KIAA1958: variants seen among roughly 807,000 people sequenced by gnomAD.
The protein encoded by KIAA1958 is KIAA1958.
Under a neutral mutation model 47.2 loss-of-function variants are expected in KIAA1958, and 14 were observed. The observed-to-expected ratio is 0.30, with a 90% CI of 0.20 to 0.46. KIAA1958 has a LOEUF of 0.46. KIAA1958 is among the 20% of genes least tolerant of loss of function. The pLI is 1.00. For missense variants in KIAA1958, 803 were observed against 909.2 expected (o/e 0.88, Z 1.50); for synonymous variants, 354 against 353.3 (o/e 1.00, Z -0.02).
chr9:112,568,936 T>TAAG (rs1826003556), intron 1 of KIAA1958, among the ~76,000 whole-genome samples: 1 of 36,454 alleles, frequency 2.7e-5, no homozygotes, highest in African/African-American at 1.1e-4. Flanking sequence ...ATAGGAAAAC[T>TAAG]AAAAAAAAAA....
intron 2 of KIAA1958, among the ~76,000 whole-genome samples, chr9:112,619,646 C>T (rs1463958166): frequency 6.6e-6 from 1 of 152,094 alleles, no homozygotes; most frequent in Non-Finnish European, 1.5e-5. Context: ...AATATTTTGG[C>T]TAAAAAGACT....
At chr9:112,512,300 AAC>A (rs1263531213) in intron 1 of KIAA1958, among the ~76,000 whole-genome samples, 1 of 152,218 alleles carries the variant, frequency 6.6e-6, no homozygotes, top group African/African-American at 2.4e-5. Context: ...TAAGAAGAAA[AAC>A]ACATCATAAC....
chr9:112,547,268 C>T (rs1414179374), intron 1 of KIAA1958, among the ~76,000 whole-genome samples: 2 of 150,938 alleles, frequency 1.3e-5, no homozygotes, highest in Non-Finnish European at 2.9e-5. Flanking sequence ...GTCCCAGCTA[C>T]TCAGGAGGCT....
chr9:112,638,461 T>C (rs1836843161), intron 2 of KIAA1958, among the ~76,000 whole-genome samples: 1 of 151,964 alleles, frequency 6.6e-6, no homozygotes, highest in African/African-American at 2.4e-5. Context: ...ATAGCACCAT[T>C]GGTGACTATC....
At chr9:112,602,277 A>G (rs1385765780) in intron 2 of KIAA1958, among the ~76,000 whole-genome samples, 1 of 152,228 alleles carries the variant, frequency 6.6e-6, no homozygotes, top group African/African-American at 2.4e-5. Flanking sequence ...AATATTTTCA[A>G]AAATGAAACA....
chr9:112,617,858 C>CA, intron 2 of KIAA1958: 1 of 1,538,092 alleles, frequency 6.5e-7, no homozygotes, highest in Middle Eastern at 1.7e-4. Flanking sequence ...CCTCCCCCCC[C>CA]AATTTGTTGC....
intron 1 of KIAA1958, among the ~76,000 whole-genome samples, chr9:112,551,785 A>G (rs756445079): frequency 2.0e-5 from 3 of 152,182 alleles, no homozygotes; most frequent in Non-Finnish European, 4.4e-5. Flanking sequence ...CTGTTGTATC[A>G]TCCTTGAGAA....
chr9:112,654,618 C>A (rs1028995316), intron 3 of KIAA1958, among the ~76,000 whole-genome samples: 2 of 150,966 alleles, frequency 1.3e-5, no homozygotes, highest in Non-Finnish European at 2.9e-5. Context: ...TCTCTTGGAA[C>A]CAAAGGAGTC....
rs992073405 is a variant in KIAA1958, at chr9:112,486,993, C to A, written c.-150C>A. The A allele has an allele frequency of 2.2e-5, 4 of 180,996 alleles. No individual in the cohort carries two copies. The highest frequency in any genetic ancestry group is 1.8e-4 in the South Asian group (2 of 10,910). The allele number at this position is 180,996 out of a possible 1,614,324, so 11.2% of individuals were successfully genotyped here. On this transcript the variant is annotated 5_prime_UTR_variant, in exon 1 of 4. Coordinates refer to ENST00000337530, the MANE Select transcript of KIAA1958 (RefSeq NM_133465.4). ...GCTCCACTTACCTTTGGTGCCCGGC[C>A]CTCTGGCCGCTCTCCTCCCGCCCTC...
chr9:112,597,465 T>G (rs2131196648), intron 2 of KIAA1958, among the ~76,000 whole-genome samples: 1 of 152,348 alleles, frequency 6.6e-6, no homozygotes, highest in East Asian at 1.9e-4. Flanking sequence ...ATTTATGCTC[T>G]TAACCAGTAG....
intron 1 of KIAA1958, among the ~76,000 whole-genome samples, chr9:112,570,584 A>G (rs1302748076): frequency 6.6e-6 from 1 of 152,180 alleles, no homozygotes; most frequent in African/African-American, 2.4e-5. Context: ...TGTATATTTA[A>G]CTTATCACAG....
At chr9:112,534,991 A>C (rs1298744921) in intron 1 of KIAA1958, among the ~76,000 whole-genome samples, 1 of 152,212 alleles carries the variant, frequency 6.6e-6, no homozygotes, top group African/African-American at 2.4e-5. Context: ...TGACAAATAA[A>C]AATTGTATAT....
At position 112,662,252 on chromosome 9, in the gene KIAA1958, G is replaced by A. The variant is rs1307962791; in HGVS notation, c.*2183G>A. ...TAATAATCAGGAGGGCGAATCTTCA[G>A]TGGCATCTGATGGAATGAAAGAACT... On this transcript the variant is annotated 3_prime_UTR_variant, in exon 4 of 4. Coordinates refer to ENST00000337530, the MANE Select transcript of KIAA1958 (RefSeq NM_133465.4). The A allele has an allele frequency of 6.6e-6, 1 of 152,212 alleles. No individual in the cohort carries two copies. Among genetic ancestry groups the A allele is most frequent in the Non-Finnish European group, 1.5e-5 (1 of 68,050 alleles). 9.4% of individuals were successfully genotyped at this position (152,212 alleles called of 1,614,324 possible).
chr9:112,581,966 C>A, intron 2 of KIAA1958: 1 of 252,296 alleles, frequency 4.0e-6, no homozygotes, highest in Non-Finnish European at 8.2e-6. Flanking sequence ...CACCTTTCCC[C>A]ACTGTCAGAG....
At chr9:112,610,697 G>A (rs1321023701) in intron 2 of KIAA1958, among the ~76,000 whole-genome samples, 1 of 152,142 alleles carries the variant, frequency 6.6e-6, no homozygotes, top group Non-Finnish European at 1.5e-5. Flanking sequence ...GACCTAGATG[G>A]TTCCACACGT....
At chr9:112,518,004 C>T (rs1406680793) in intron 1 of KIAA1958, among the ~76,000 whole-genome samples, 2 of 152,146 alleles carry the variant, frequency 1.3e-5, no homozygotes, top group Non-Finnish European at 2.9e-5. Flanking sequence ...AATTTTTGCC[C>T]TTTCAAAAAG....
chr9:112,626,151 A>G (rs964000406), intron 2 of KIAA1958, among the ~76,000 whole-genome samples: 10 of 152,162 alleles, frequency 6.6e-5, no homozygotes, highest in Non-Finnish European at 2.9e-5. Flanking sequence ...AGTAAAGGGG[A>G]AAAATGGTAA....
chr9:112,510,257 GGTGGTT>G (rs1834302104), intron 1 of KIAA1958, among the ~76,000 whole-genome samples: 1 of 152,256 alleles, frequency 6.6e-6, no homozygotes, highest in East Asian at 1.9e-4. Context: ...TACTTCCTAG[GGTGGTT>G]GTGAAGATTA....
intron 3 of KIAA1958, among the ~76,000 whole-genome samples, chr9:112,655,498 A>G (rs555993281): frequency 1.2e-4 from 18 of 152,218 alleles, no homozygotes; most frequent in African/African-American, 3.4e-4. Context: ...CTGTACTGCA[A>G]TCCTAAATTT....
Sources: gnomAD v4.1 joint callset for allele counts (sites outside exome capture counted in the v4.1 genomes callset) on GRCh38, gnomAD v4.1.1 for gene constraint, MANE v1.5 for transcripts, NCBI Gene and HGNC (gene_info 2026-07-23, HGNC 2026-07-21) for gene names.